The following SCHIP1 variants were observed in gnomAD, a reference collection of about 807,000 sequenced individuals.
The protein encoded by SCHIP1 is schwannomin-interacting protein 1.
Under a neutral mutation model 29.7 loss-of-function variants are expected in SCHIP1, and 8 were observed. The ratio of observed to expected loss-of-function variants is 0.27; its 90% CI spans 0.16 to 0.49. The LOEUF is 0.49. SCHIP1 is among the 20% of genes least tolerant of loss of function. The pLI is 0.99. For missense variants in SCHIP1, 193 were observed against 294.6 expected (o/e 0.66, Z 2.52); for synonymous variants, 76 against 94.9 (o/e 0.80, Z 1.16).
At chr3:159,763,929 G>A in the SCHIP1 span, 1 of 152,062 alleles carries the variant, frequency 6.6e-6, no homozygotes, top group African/African-American at 2.4e-5. Flanking sequence ...GCTCCCAGCC[G>A]CGGGCGGGGA....
the SCHIP1 span, among the ~76,000 whole-genome samples, chr3:159,597,331 A>G: frequency 6.6e-6 from 1 of 152,092 alleles, no homozygotes; most frequent in Non-Finnish European, 1.5e-5. Flanking sequence ...AGTACAATAC[A>G]TTTTTGTTAA....
the SCHIP1 span, among the ~76,000 whole-genome samples, chr3:159,529,101 T>C: frequency 1.3e-5 from 2 of 152,168 alleles, no homozygotes; most frequent in Admixed American, 1.3e-4. Flanking sequence ...CATATATATA[T>C]ACATTTCTGC....
chr3:159,447,996 G>T, the SCHIP1 span, among the ~76,000 whole-genome samples: 1 of 152,176 alleles, frequency 6.6e-6, no homozygotes, highest in Non-Finnish European at 1.5e-5. Context: ...AGTAGACAGG[G>T]AAATAGGCTT....
chr3:159,820,110 C>T, the SCHIP1 span, among the ~76,000 whole-genome samples: 1 of 152,158 alleles, frequency 6.6e-6, no homozygotes, highest in Non-Finnish European at 1.5e-5. Context: ...AAGGCTCACA[C>T]ACCTGGCAAC....
chr3:159,657,598 C>T, the SCHIP1 span, among the ~76,000 whole-genome samples: 62 of 152,316 alleles, frequency 4.1e-4, no homozygotes, highest in African/African-American at 1.5e-3. Flanking sequence ...TTTCCTGCTG[C>T]CTAAATGTCA....
chr3:159,292,153 T>C, the SCHIP1 span, among the ~76,000 whole-genome samples: 1 of 152,094 alleles, frequency 6.6e-6, no homozygotes, highest in African/African-American at 2.4e-5. Flanking sequence ...AATAACCTGA[T>C]ATCTGGCACT....
At chr3:159,762,261 G>A in the SCHIP1 span, among the ~76,000 whole-genome samples, 1 of 152,164 alleles carries the variant, frequency 6.6e-6, no homozygotes, top group Admixed American at 6.5e-5. Context: ...TGGCCAGACC[G>A]GAAGGCCCCT....
At chr3:159,742,993 A>G in the SCHIP1 span, among the ~76,000 whole-genome samples, 2 of 151,960 alleles carry the variant, frequency 1.3e-5, no homozygotes, top group Non-Finnish European at 2.9e-5. Flanking sequence ...GGCCTTGGAT[A>G]CACTCTTTAG....
the SCHIP1 span, among the ~76,000 whole-genome samples, chr3:159,575,979 A>C: frequency 6.6e-6 from 1 of 152,094 alleles, no homozygotes; most frequent in Non-Finnish European, 1.5e-5. Flanking sequence ...TCATATTTCA[A>C]TGTGTTCTAG....
chr3:159,863,758 G>T (rs190306572), intron 1 of SCHIP1, among the ~76,000 whole-genome samples: 92 of 152,270 alleles, frequency 6.0e-4, no homozygotes, highest in African/African-American at 2.1e-3. Flanking sequence ...GAAAGAGAGT[G>T]TATTATAAAA....
At chr3:159,447,966 A>T in the SCHIP1 span, among the ~76,000 whole-genome samples, 1 of 152,170 alleles carries the variant, frequency 6.6e-6, no homozygotes, top group South Asian at 2.1e-4. Flanking sequence ...TGGAACAAGG[A>T]GCCTAGGGAT....
At chr3:159,644,983 TA>T in the SCHIP1 span, among the ~76,000 whole-genome samples, 1 of 152,156 alleles carries the variant, frequency 6.6e-6, no homozygotes, top group Non-Finnish European at 1.5e-5. Context: ...GATACCCCTC[TA>T]ACTGATCCCT....
the SCHIP1 span, chr3:159,721,541 C>T: frequency 1.7e-5 from 3 of 178,204 alleles, no homozygotes; most frequent in East Asian, 5.3e-4. Context: ...TGTTCGTCTT[C>T]TTGAACTTTT....
the SCHIP1 span, among the ~76,000 whole-genome samples, chr3:159,291,990 A>G: frequency 6.6e-6 from 1 of 152,300 alleles, no homozygotes; most frequent in African/African-American, 2.4e-5. Context: ...TTCTGACTCA[A>G]ACAAACCAAG....
chr3:159,592,015 G>GAAAA, the SCHIP1 span, among the ~76,000 whole-genome samples: 6 of 150,406 alleles, frequency 4.0e-5, no homozygotes, highest in Non-Finnish European at 7.4e-5. Context: ...AAGAAAGAAA[G>GAAAA]AAATTGAGTG....
At chr3:159,625,594 C>T in the SCHIP1 span, among the ~76,000 whole-genome samples, 2 of 152,080 alleles carry the variant, frequency 1.3e-5, no homozygotes, top group South Asian at 2.1e-4. Flanking sequence ...GTTTGCTTCA[C>T]GTTAGTAGTT....
the SCHIP1 span, among the ~76,000 whole-genome samples, chr3:159,429,285 G>T: frequency 6.6e-6 from 1 of 150,870 alleles, no homozygotes; most frequent in African/African-American, 2.4e-5. Context: ...AGCTCTTGAA[G>T]ATTTCATAAG....
the SCHIP1 span, among the ~76,000 whole-genome samples, chr3:159,761,503 T>C: frequency 6.6e-6 from 1 of 152,166 alleles, no homozygotes; most frequent in African/African-American, 2.4e-5. Context: ...ACTTTGCAAA[T>C]CATCTCCCTA....
chr3:159,335,538 C>T, the SCHIP1 span, among the ~76,000 whole-genome samples: 1 of 152,172 alleles, frequency 6.6e-6, no homozygotes, highest in Non-Finnish European at 1.5e-5. Context: ...GTTCCCCTTC[C>T]TGTGTCCATG....
Sources: allele counts gnomAD v4.1 joint callset (sites outside exome capture counted in the v4.1 genomes callset), GRCh38; gene constraint gnomAD v4.1.1; transcripts MANE v1.5; gene names NCBI Gene and HGNC (gene_info 2026-07-23, HGNC 2026-07-21).